Variants in EXT1 observed in about 807,000 individuals in gnomAD.
The protein encoded by EXT1 is exostosin glycosyltransferase 1.
A neutral mutation model predicts 82.5 loss-of-function variants in EXT1; 20 were observed. The observed-to-expected ratio is 0.24, with a 90% CI of 0.17 to 0.35. EXT1 has a LOEUF of 0.35. EXT1 is among the 10% of genes least tolerant of loss of function. The pLI, the probability that EXT1 is intolerant of heterozygous loss-of-function variation, is 1.00. For synonymous variants in EXT1, 348 were observed against 350.8 expected (o/e 0.99, Z 0.09); for missense variants, 757 against 936.5 (o/e 0.81, Z 2.50).
chr8:117,981,362 T>C lies in EXT1; in HGVS notation c.962+128723A>G, dbSNP rs147643200. On this transcript the variant is annotated intron_variant, in intron 1 of 10. Transcript: ENST00000378204. ...AGCAAATTATAATGCATGAGTAAGGTTGTTCCAAGAATAGATAAATATTTG... is the reference window on the plus strand; with the variant it reads ...AGCAAATTATAATGCATGAGTAAGGCTGTTCCAAGAATAGATAAATATTTG... 4.5e-3 allele frequency among the ~76,000 whole-genome samples: 686 copies of C among 152,320 alleles called. 4 individuals carry two copies. Among genetic ancestry groups the C allele is most frequent in the African/African-American group, 0.016 (664 of 41,572 alleles).
chr8:117,928,740 G>A (rs2129644404), intron 1 of EXT1, among the ~76,000 whole-genome samples: 1 of 152,016 alleles, frequency 6.6e-6, no homozygotes, highest in East Asian at 1.9e-4. Flanking sequence ...AAAGCCTGTG[G>A]GTTCTCTTGA....
rs1004273017 is a variant in EXT1, at chr8:117,812,761, A to G, written c.1722+111T>C. ...AAACCAGCGCTGTAGGAAGTTTTGA[A>G]AAATGTTTTCAACTTCTGCCAAGGC... On this transcript the variant is annotated intron_variant, in intron 8 of 10. Coordinates refer to ENST00000378204, the MANE Select transcript of EXT1 (RefSeq NM_000127.3). The G allele has an allele frequency of 1.5e-5, 16 of 1,046,772 alleles. No homozygotes were observed. In the African/African-American group the frequency reaches 2.1e-4, roughly 13 times the overall value. The allele number at this position is 1,046,772 out of a possible 1,614,324, so 64.8% of individuals were successfully genotyped here.
chr8:118,033,544 T>C (rs1344084968), intron 1 of EXT1, among the ~76,000 whole-genome samples: 1 of 152,204 alleles, frequency 6.6e-6, no homozygotes, highest in African/African-American at 2.4e-5. Context: ...AGTGGCATGA[T>C]CATAGTTCAC....
At chr8:118,042,413 G>A (rs1291921864) in intron 1 of EXT1, among the ~76,000 whole-genome samples, 1 of 152,044 alleles carries the variant, frequency 6.6e-6, no homozygotes, top group East Asian at 1.9e-4. Context: ...TCCTGCCTCT[G>A]CCTCCTGAGT....
rs149805726 is a variant in EXT1, at chr8:117,926,227, A to C, written c.963-89026T>G. Among the ~76,000 whole-genome samples the C allele has an allele frequency of 2.0e-3, 304 of 152,342 alleles. 1 individual carries two copies. The highest frequency in any genetic ancestry group is 0.013 in the South Asian group (65 of 4,822). On this transcript the variant is annotated intron_variant, in intron 1 of 10. Transcript: ENST00000378204. ...TATTATTCTCTAGATCATTTGAGTC[A>C]TAAACTTCTTTGCTTCTCTATCCTT...
At chr8:117,836,382 G>A (rs111960972) in intron 2 of EXT1, among the ~76,000 whole-genome samples, 1 of 152,204 alleles carries the variant, frequency 6.6e-6, no homozygotes, top group Non-Finnish European at 1.5e-5. Flanking sequence ...AGATGGCAGA[G>A]ATAAGAAGTT....
intron 1 of EXT1, among the ~76,000 whole-genome samples, chr8:117,854,236 G>A (rs1191330368): frequency 1.3e-5 from 2 of 152,200 alleles, no homozygotes; most frequent in African/African-American, 2.4e-5. Flanking sequence ...CCACAACTGG[G>A]CTTCATCCAG....
At chr8:118,041,673 G>GGAAGGAAGGAA (rs1421236529) in intron 1 of EXT1, among the ~76,000 whole-genome samples, 69 of 118,158 alleles carry the variant, frequency 5.8e-4, no homozygotes, top group Non-Finnish European at 1.1e-3. Context: ...AAAGAAGGAA[G>GGAAGGAAGGAA]GAAGGAAGGA....
intron 1 of EXT1, among the ~76,000 whole-genome samples, chr8:117,931,843 T>C (rs528741525): frequency 4.6e-5 from 7 of 152,228 alleles, no homozygotes; most frequent in Non-Finnish European, 8.8e-5. Context: ...CCTAAAGTTG[T>C]GCATTCACTC....
chr8:117,818,026 T>G (rs909352772), intron 7 of EXT1, among the ~76,000 whole-genome samples: 2 of 152,208 alleles, frequency 1.3e-5, no homozygotes, highest in African/African-American at 2.4e-5. Context: ...ACATAGCTCA[T>G]TCAGATTAAT....
In EXT1 at chr8:117,935,211, G is replaced by C. The variant is rs544737385; in HGVS notation, c.963-98010C>G. 1.4e-4 allele frequency among the ~76,000 whole-genome samples: 21 copies of C among 152,146 alleles called. No individual in the cohort carries two copies. The South Asian group carries it at 3.3e-3, about 24-fold the overall frequency. On this transcript the variant is annotated intron_variant, in intron 1 of 10. Transcript: ENST00000378204. ...AACAACACAGCAGCTGTAGGGACAG[G>C]AGCTAATAGTGTCATGTCCATGGTT...
chr8:117,987,312 G>C (rs2129780039), intron 1 of EXT1, among the ~76,000 whole-genome samples: 1 of 152,300 alleles, frequency 6.6e-6, no homozygotes, highest in East Asian at 1.9e-4. Flanking sequence ...TCAGTGACCA[G>C]ACACTGGGAA....
At chr8:118,023,631 C>T (rs944808343) in intron 1 of EXT1, among the ~76,000 whole-genome samples, 5 of 152,148 alleles carry the variant, frequency 3.3e-5, no homozygotes, top group Admixed American at 6.5e-5. Context: ...CAGAGCTGTA[C>T]GTAGAAATTA....
intron 1 of EXT1, among the ~76,000 whole-genome samples, chr8:117,982,143 C>T (rs951546721): frequency 1.3e-5 from 2 of 152,194 alleles, no homozygotes; most frequent in African/African-American, 4.8e-5. Context: ...GCTTTCTCTG[C>T]TCAGTGTCTC....
chr8:117,919,155 T>C (rs1490868794), intron 1 of EXT1, among the ~76,000 whole-genome samples: 1 of 151,854 alleles, frequency 6.6e-6, no homozygotes, highest in African/African-American at 2.4e-5. Flanking sequence ...ACTTTCATGC[T>C]CATTAAAGTG....
At chr8:117,966,966 A>G (rs1814830468) in intron 1 of EXT1, among the ~76,000 whole-genome samples, 1 of 152,176 alleles carries the variant, frequency 6.6e-6, no homozygotes, top group Admixed American at 6.5e-5. Flanking sequence ...ACCATGCACT[A>G]TATTTTGATG....
intron 1 of EXT1, among the ~76,000 whole-genome samples, chr8:117,840,656 T>A: frequency 6.6e-6 from 1 of 150,566 alleles, no homozygotes. Flanking sequence ...TATTTGCCAA[T>A]CATATATGAT....
intron 1 of EXT1, among the ~76,000 whole-genome samples, chr8:117,877,139 T>C (rs1404463815): frequency 6.6e-6 from 1 of 152,212 alleles, no homozygotes; most frequent in Non-Finnish European, 1.5e-5. Context: ...TGCACGCTGC[T>C]TTCCTTTTAG....
intron 9 of EXT1, among the ~76,000 whole-genome samples, chr8:117,805,765 A>T (rs1001208707): frequency 1.3e-5 from 2 of 152,204 alleles, no homozygotes; most frequent in Non-Finnish European, 2.9e-5. Context: ...ATAGAAGAGC[A>T]GGTATTTTGT....
Sources: allele counts gnomAD v4.1 joint callset (sites outside exome capture counted in the v4.1 genomes callset), GRCh38; gene constraint gnomAD v4.1.1; transcripts MANE v1.5; gene names NCBI Gene and HGNC (gene_info 2026-07-23, HGNC 2026-07-21).